The following COL9A1 variants were observed in gnomAD, a reference collection of about 807,000 sequenced individuals.
COL9A1 encodes the protein collagen type IX alpha 1 chain.
In COL9A1, 104 loss-of-function variants were observed where a neutral mutation model predicts 142.6. The observed-to-expected ratio is 0.73, with a 90% CI of 0.62 to 0.86. The LOEUF is 0.86. Ranked by LOEUF, COL9A1 falls within the 40% of genes least tolerant of loss-of-function variation. The pLI is 0.00. For synonymous variants in COL9A1, 466 were observed against 396.0 expected (o/e 1.18, Z -2.10); for missense variants, 1,210 against 1,176.6 (o/e 1.03, Z -0.42).
intron 5 of COL9A1, among the ~76,000 whole-genome samples, chr6:70,287,877 A>C (rs1311667327): frequency 6.6e-6 from 1 of 152,104 alleles, no homozygotes; most frequent in South Asian, 2.1e-4. Flanking sequence ...ATCTCTTTTG[A>C]CAAATGTTCC....
chr6:70,217,809 A>T (rs1363083434), intron 37 of COL9A1, among the ~76,000 whole-genome samples: 2 of 152,182 alleles, frequency 1.3e-5, no homozygotes, highest in Non-Finnish European at 2.9e-5. Flanking sequence ...CTAATCTCTC[A>T]GTTTCTTCAT....
At chr6:70,289,427 T>A (rs1235988029) in intron 5 of COL9A1, among the ~76,000 whole-genome samples, 1 of 152,198 alleles carries the variant, frequency 6.6e-6, no homozygotes, top group African/African-American at 2.4e-5. Flanking sequence ...CTACTTCCAA[T>A]CATGGCTTCT....
chr6:70,242,725 C>T lies in COL9A1; in HGVS notation c.1873-10G>A, dbSNP rs1482601586. The T allele has an allele frequency of 6.2e-7, 1 of 1,613,664 alleles. No individual in the cohort carries two copies. Among genetic ancestry groups the T allele is most frequent in the Admixed American group, 1.7e-5 (1 of 60,022 alleles). On this transcript the variant is annotated splice_polypyrimidine_tract_variant and intron_variant, in intron 28 of 37. Transcript: ENST00000357250. ...ATTCTCCTCTACTGCCCTGTAAAAACACAAACATTGTCAATTGGATATTTT... is the reference window on the plus strand; with the variant it reads ...ATTCTCCTCTACTGCCCTGTAAAAATACAAACATTGTCAATTGGATATTTT...
At chr6:70,224,843 C>A (rs1163860123) in intron 37 of COL9A1, among the ~76,000 whole-genome samples, 1 of 151,982 alleles carries the variant, frequency 6.6e-6, no homozygotes, top group African/African-American at 2.4e-5. Flanking sequence ...TTTGATGAGC[C>A]CATGAATCAG....
chr6:70,242,194 G>C (rs927914839), intron 29 of COL9A1, 159 bp from the exon 30 acceptor site: 4 of 702,816 alleles, frequency 5.7e-6, no homozygotes, highest in Non-Finnish European at 1.0e-5. Context: ...CATATTCTCA[G>C]GAGAAGAGGG....
intron 34 of COL9A1, 90 bp from the exon 35 acceptor site, chr6:70,234,683 C>T (rs1467128960): frequency 6.9e-6 from 11 of 1,603,544 alleles, no homozygotes; most frequent in Non-Finnish European, 9.4e-6. Context: ...TGCAAGGAGC[C>T]AGGTGGCTGG....
At chr6:70,238,120 GAT>G (rs1033912401) in intron 33 of COL9A1, among the ~76,000 whole-genome samples, 9 of 152,224 alleles carry the variant, frequency 5.9e-5, no homozygotes, top group Admixed American at 3.3e-4. Context: ...ACAGAGGAGG[GAT>G]ACACAGTGGG....
chr6:70,250,182 A>G (rs896161709), intron 28 of COL9A1, among the ~76,000 whole-genome samples: 1 of 151,958 alleles, frequency 6.6e-6, no homozygotes, highest in African/African-American at 2.4e-5. Context: ...GATCACTTGA[A>G]CCCAGGAGGT....
At chr6:70,258,156 T>C (rs1350781229) in intron 20 of COL9A1, among the ~76,000 whole-genome samples, 2 of 152,222 alleles carry the variant, frequency 1.3e-5, no homozygotes, top group African/African-American at 4.8e-5. Flanking sequence ...TCTTAAAAAG[T>C]GTTTTTAGTG....
At chr6:70,301,965 A>G (rs1319842407) in intron 2 of COL9A1, 36 bp downstream of exon 2, 1 of 1,539,144 alleles carries the variant, frequency 6.5e-7, no homozygotes, top group South Asian at 1.2e-5. Context: ...TCTGGGAATA[A>G]GTGATCTTTG....
intron 10 of COL9A1, chr6:70,274,979 A>T (rs1358771948): frequency 1.9e-5 from 11 of 572,998 alleles, no homozygotes. Context: ...TCTTCTTGAT[A>T]AGTTGTATCA....
chr6:70,303,017 C>T lies in COL9A1; in HGVS notation c.-93G>A. ...CCCCTCACGACCCCTTCACTGTTAC[C>T]CTAGGACTATGTGTTCTGGGCCCAG... On this transcript the variant is annotated 5_prime_UTR_variant, in exon 1 of 38. Coordinates refer to ENST00000357250, the MANE Select transcript of COL9A1 (RefSeq NM_001851.6). 2 of 1,348,866 alleles carry T rather than the reference C, an allele frequency of 1.5e-6. No homozygotes were observed. The highest frequency in any genetic ancestry group is 2.1e-6 in the Non-Finnish European group (2 of 938,624). 83.6% of individuals were successfully genotyped at this position (1,348,866 alleles called of 1,614,324 possible).
chr6:70,219,798 G>A (rs900708525), intron 37 of COL9A1, among the ~76,000 whole-genome samples: 13 of 152,170 alleles, frequency 8.5e-5, no homozygotes, highest in African/African-American at 1.2e-4. Context: ...ATCTCCCAAT[G>A]TTTAAATGTT....
At chr6:70,253,357 T>G in intron 26 of COL9A1, 28 bp downstream of exon 26, 1 of 1,442,718 alleles carries the variant, frequency 6.9e-7, no homozygotes, top group East Asian at 2.3e-5. Flanking sequence ...TTAAGAAAGA[T>G]ATTAACTTAA....
At chr6:70,226,480 A>C (rs1018333283) in intron 36 of COL9A1, among the ~76,000 whole-genome samples, 2 of 152,084 alleles carry the variant, frequency 1.3e-5, no homozygotes, top group African/African-American at 4.8e-5. Flanking sequence ...TATATCTTAA[A>C]ACTCTAGAAA....
At chr6:70,215,738 C>A (rs1768460562), downstream of COL9A1, 1 of 152,088 alleles carries the variant, frequency 6.6e-6, no homozygotes, top group Non-Finnish European at 1.5e-5. Context: ...AGCTAACAAG[C>A]CATTGGAATG....
chr6:70,237,577 C>T (rs1769994694), intron 33 of COL9A1, among the ~76,000 whole-genome samples: 1 of 152,188 alleles, frequency 6.6e-6, no homozygotes, highest in East Asian at 1.9e-4. Flanking sequence ...ATGCAATTAA[C>T]TTATTCTTGT....
chr6:70,226,065 G>A (rs916929188), intron 36 of COL9A1, 56 bp from the exon 37 acceptor site: 12 of 1,450,450 alleles, frequency 8.3e-6, no homozygotes, highest in South Asian at 3.5e-5. Flanking sequence ...ATAAACTTCC[G>A]CATCTTTAAA....
chr6:70,261,368 G>C (rs1337643859), intron 19 of COL9A1, among the ~76,000 whole-genome samples: 1 of 136,790 alleles, frequency 7.3e-6, no homozygotes, highest in African/African-American at 2.9e-5. Context: ...TACCATTCTG[G>C]ACTCTCTGGC....
Sources: gnomAD v4.1 joint callset for allele counts (sites outside exome capture counted in the v4.1 genomes callset) on GRCh38, gnomAD v4.1.1 for gene constraint, MANE v1.5 for transcripts, NCBI Gene and HGNC (gene_info 2026-07-23, HGNC 2026-07-21) for gene names.